Variants in MCIDAS observed in about 807,000 individuals in gnomAD.
MCIDAS encodes multiciliate differentiation and DNA synthesis associated cell cycle protein, also known as multicilin.
Under a neutral mutation model 35.4 loss-of-function variants are expected in MCIDAS, and 23 were observed. The ratio of observed to expected loss-of-function variants is 0.65; its 90% CI spans 0.47 to 0.92. The LOEUF is 0.92. Ranked by LOEUF, MCIDAS falls within the 40% of genes least tolerant of loss-of-function variation. MCIDAS has a pLI of 0.00. For synonymous variants in MCIDAS, 228 were observed against 235.2 expected (o/e 0.97, Z 0.28); for missense variants, 480 against 531.8 (o/e 0.90, Z 0.96).
In MCIDAS at chr5:55,220,708, A is replaced by T; in HGVS notation, c.816T>A (p.Ala272=). ...AKRSLEELVS[A]AGQDCAEVDA... is the part of the protein sequence containing the mutation. ...CCACTTCCGCGCAATCCTGCCCCGC[A>T]GCGCTGACCAACTCCTCCAGGCTCC... The change falls in exon 7 of 7, where the codon GCT becomes GCA. Residue 272 remains alanine, a synonymous_variant. Transcript: ENST00000513312. The T allele has an allele frequency of 6.5e-7, 1 of 1,536,020 alleles. No homozygotes were observed. The highest frequency in any genetic ancestry group is 8.7e-7 in the Non-Finnish European group (1 of 1,146,814).
At chr5:55,224,872 G>A (rs1745429423) in intron 3 of MCIDAS, among the ~76,000 whole-genome samples, 1 of 152,110 alleles carries the variant, frequency 6.6e-6, no homozygotes, top group Non-Finnish European at 1.5e-5. Context: ...GAAAATTCCT[G>A]GATTTTTTGG....
chr5:55,221,986 G>A (rs1025103232), intron 5 of MCIDAS, among the ~76,000 whole-genome samples, 190 bp downstream of exon 5: 18 of 152,078 alleles, frequency 1.2e-4, no homozygotes, highest in African/African-American at 4.1e-4. Flanking sequence ...ATCAGGTGGG[G>A]TAGAATTATT....
chr5:55,220,107 C>T lies in MCIDAS; in HGVS notation c.*259G>A, dbSNP rs1745322393. ...TTCCCTGCTCTAAAAATACATAATT[C>T]AAAGCTGCTAAAAATAAATACTTTT... On this transcript the variant is annotated 3_prime_UTR_variant, in exon 7 of 7. Coordinates refer to ENST00000513312, the MANE Select transcript of MCIDAS (RefSeq NM_001190787.3). 2.5e-6 allele frequency: 1 copy of T among 405,830 alleles called. No individual in the cohort carries two copies. Among genetic ancestry groups the T allele is most frequent in the South Asian group, 5.8e-5 (1 of 17,200 alleles). The allele number at this position is 405,830 out of a possible 1,614,324, so 25.1% of individuals were successfully genotyped here. A position where few individuals can be genotyped will look rare whatever the true frequency, so the allele number is the denominator to read the frequency against.
chr5:55,220,555 G>C lies in MCIDAS; in HGVS notation c.969C>G (p.Phe323Leu). Residue 323 changes from phenylalanine (F) to leucine (L), a missense_variant, in exon 7 of 7, where the codon TTC becomes TTG. Phe to Leu is a conservative substitution (Grantham distance 22). Coordinates refer to ENST00000513312, the MANE Select transcript of MCIDAS (RefSeq NM_001190787.3). ...DTRPGNLHGA[F>L]RGLRTDCSRS... is the part of the protein sequence containing the mutation. ...GGCTGCAGTCTGTGCGCAGCCCCCG[G>C]AAGGCGCCATGCAGGTTCCCGGGCC... The C allele has an allele frequency of 6.5e-7, 1 of 1,536,082 alleles. No homozygotes were observed. Among genetic ancestry groups the C allele is most frequent in the Non-Finnish European group, 8.7e-7 (1 of 1,146,866 alleles).
Position 55,220,205 on chromosome 5 carries a change from C to T in MCIDAS, c.*161G>A. The T allele has an allele frequency of 1.4e-6, 1 of 690,128 alleles. No individual in the cohort carries two copies. The highest frequency in any genetic ancestry group is 2.0e-5 in the South Asian group (1 of 50,636). 42.8% of individuals were successfully genotyped at this position (690,128 alleles called of 1,614,324 possible). A position where few individuals can be genotyped will look rare whatever the true frequency, so the allele number is the denominator to read the frequency against. ...CACTGTGACAAGGGGAGGGGCTATACAATGTTTTGTAGCAGAAATTTACAA... is the reference window on the plus strand; with the variant it reads ...CACTGTGACAAGGGGAGGGGCTATATAATGTTTTGTAGCAGAAATTTACAA... On this transcript the variant is annotated 3_prime_UTR_variant, in exon 7 of 7. Coordinates refer to ENST00000513312, the MANE Select transcript of MCIDAS (RefSeq NM_001190787.3).
Position 55,222,272 on chromosome 5 carries a change from C to A in MCIDAS, c.510G>T (p.Leu170=). The A allele has an allele frequency of 6.5e-7, 1 of 1,536,052 alleles. No individual in the cohort carries two copies. Among genetic ancestry groups the A allele is most frequent in the Non-Finnish European group, 8.7e-7 (1 of 1,146,884 alleles). ...CAGGCGGGGGCACGTCTGGAGGGCGCAGCGGTGGTGACTGCAGGGCCCGTG... is the reference window on the plus strand; with the variant it reads ...CAGGCGGGGGCACGTCTGGAGGGCGAAGCGGTGGTGACTGCAGGGCCCGTG... ...LDPRALQSPP[L]RPPDVPPPEQ... Residue 170 remains leucine, a synonymous_variant, in exon 5 of 7, where the codon CTG becomes CTT. Transcript: ENST00000513312.
Position 55,227,126 on chromosome 5 carries a change from C to G in MCIDAS, c.13G>C (p.Gly5Arg). 3 of 1,473,690 alleles carry G rather than the reference C, an allele frequency of 2.0e-6. No individual in the cohort carries two copies. Among genetic ancestry groups the G allele is most frequent in the Non-Finnish European group, 2.7e-6 (3 of 1,120,284 alleles). 91.3% of individuals were successfully genotyped at this position (1,473,690 alleles called of 1,614,324 possible). MQAC[G>R]GGAAGRRAFD... ...GCCCGACGGCCGGCCGCGCCGCCCCCGCACGCCTGCATTGTGCCTCCTGCC... is the reference window on the plus strand; with the variant it reads ...GCCCGACGGCCGGCCGCGCCGCCCCGGCACGCCTGCATTGTGCCTCCTGCC... Residue 5 changes from glycine to arginine, a missense_variant, in exon 1 of 7, where the codon GGG becomes CGG. Physicochemically the swap from Gly to Arg is moderately radical, Grantham distance 125. Transcript: ENST00000513312.
chr5:55,223,102 A>C lies in MCIDAS; in HGVS notation c.310-79T>G. The C allele has an allele frequency of 8.3e-7, 1 of 1,208,086 alleles. No individual in the cohort carries two copies. Among genetic ancestry groups the C allele is most frequent in the East Asian group, 2.5e-5 (1 of 39,348 alleles). The allele number at this position is 1,208,086 out of a possible 1,614,324, so 74.8% of individuals were successfully genotyped here. A position where few individuals can be genotyped will look rare whatever the true frequency, so the allele number is the denominator to read the frequency against. On this transcript the variant is annotated intron_variant, in intron 3 of 6. Transcript: ENST00000513312. The surrounding 1 kb of genome is among the most constrained non-coding windows in gnomAD (Gnocchi z 4.4). ...TCAATAAATATTGGCGTCCCTGTTA[A>C]AAATCTGGCAGGCACTATGCAATAT...
At chr5:55,221,151 A>G (rs1221342348) in intron 5 of MCIDAS, 25 bp from the exon 6 acceptor site, 4 of 1,507,558 alleles carry the variant, frequency 2.7e-6, no homozygotes, top group Non-Finnish European at 3.6e-6. Context: ...CCAAACATTC[A>G]GGGGTAGGTA....
At position 55,226,674 on chromosome 5, in the gene MCIDAS, G is replaced by T. The variant is rs552431366; in HGVS notation, c.218-7C>A. ...AGGTCTATGGTGGTGAGGGCTGCGC[G>T]GGGAGACCGGGAGACACGCGCCGGG... On this transcript the variant is annotated splice_polypyrimidine_tract_variant and splice_region_variant and intron_variant, in intron 2 of 6. Coordinates refer to ENST00000513312, the MANE Select transcript of MCIDAS (RefSeq NM_001190787.3). The T allele has an allele frequency of 6.7e-6, 10 of 1,493,488 alleles. No individual in the cohort carries two copies. The African/African-American group carries it at 8.5e-5, about 13-fold the overall frequency. 92.5% of individuals were successfully genotyped at this position (1,493,488 alleles called of 1,614,324 possible).
At position 55,220,360 on chromosome 5, in the gene MCIDAS, C is replaced by T; in HGVS notation, c.*6G>A. ...AGGGCAGTGTTTTGGGGGACCACAT[C>T]ACAGCTCAACTGGGGACCCAGCGGA... On this transcript the variant is annotated 3_prime_UTR_variant, in exon 7 of 7. Transcript: ENST00000513312. 2.6e-6 allele frequency: 4 copies of T among 1,529,972 alleles called. 1 individual carries two copies. In the South Asian group the frequency reaches 4.8e-5, roughly 18 times the overall value. The allele number at this position is 1,529,972 out of a possible 1,614,324, so 94.8% of individuals were successfully genotyped here.
At chr5:55,222,069 C>A in intron 5 of MCIDAS, 107 bp downstream of exon 5, 5 of 1,054,466 alleles carry the variant, frequency 4.7e-6, no homozygotes, top group Non-Finnish European at 6.9e-6. Context: ...AGTCAGTCCA[C>A]TGGTTCCGAC....
intron 3 of MCIDAS, among the ~76,000 whole-genome samples, chr5:55,224,503 G>A (rs1167569761): frequency 6.6e-6 from 1 of 152,134 alleles, no homozygotes; most frequent in Non-Finnish European, 1.5e-5. Flanking sequence ...TAAGAGAAAG[G>A]AGATGAGAAA....
At position 55,220,502 on chromosome 5, in the gene MCIDAS, T is replaced by C; in HGVS notation, c.1022A>G (p.Glu341Gly). The change falls in exon 7 of 7, where the codon GAG becomes GGG. Residue 341 changes from glutamate (E) to glycine (G), a missense_variant. Physicochemically the swap from Glu to Gly is moderately conservative, Grantham distance 98. Coordinates refer to ENST00000513312, the MANE Select transcript of MCIDAS (RefSeq NM_001190787.3). The part of the protein sequence containing the change: ...SRSALNLSHS[E>G]LEEGGSFSTR... ...GCTGAAGGAGCCGCCCTCCTCCAGC[T>C]CACTGTGGCTCAGGTTCAACGCGCT... 1.3e-6 allele frequency: 2 copies of C among 1,536,048 alleles called. No individual in the cohort carries two copies. Among genetic ancestry groups the C allele is most frequent in the East Asian group, 2.4e-5 (1 of 40,904 alleles).
At chr5:55,226,744 G>T in intron 2 of MCIDAS, 77 bp from the exon 3 acceptor site, 1 of 1,408,550 alleles carries the variant, frequency 7.1e-7, no homozygotes, top group Non-Finnish European at 9.2e-7. Flanking sequence ...GGACGTCAGA[G>T]CCCGGGGGAG....
At chr5:55,226,979 G>T in intron 1 of MCIDAS, 40 bp downstream of exon 1, 3 of 1,505,526 alleles carry the variant, frequency 2.0e-6, no homozygotes, top group Non-Finnish European at 2.6e-6. Flanking sequence ...TCGGGGCACC[G>T]AGCGCGCAGA....
rs1325473993 is a variant in MCIDAS, at chr5:55,223,280, G to A, written c.310-257C>T. 1.3e-5 allele frequency among the ~76,000 whole-genome samples: 2 copies of A among 151,750 alleles called. No individual in the cohort carries two copies. The highest frequency in any genetic ancestry group is 2.9e-5 in the Non-Finnish European group (2 of 67,982). On this transcript the variant is annotated intron_variant, in intron 3 of 6. Transcript: ENST00000513312. The surrounding 1 kb of genome is among the most constrained non-coding windows in gnomAD (Gnocchi z 4.4). ...ACGTCGCCAGCCCAGTCTCGTACCC[G>A]AAAATTCAAGCCCCATCCGAGACAG...
Position 55,220,140 on chromosome 5 carries a change from G to T in MCIDAS, c.*226C>A. On this transcript the variant is annotated 3_prime_UTR_variant, in exon 7 of 7. Transcript: ENST00000513312. Reference sequence around the variant, plus strand: ...CTAAAAATAAATACTTTTAAAATTGGCTGTGACATATGTGACATATACATA... The same window carrying T: ...CTAAAAATAAATACTTTTAAAATTGTCTGTGACATATGTGACATATACATA... The T allele has an allele frequency of 2.2e-6, 1 of 462,302 alleles. No individual in the cohort carries two copies. The highest frequency in any genetic ancestry group is 5.5e-5 in the South Asian group (1 of 18,124). The allele number at this position is 462,302 out of a possible 1,614,324, so 28.6% of individuals were successfully genotyped here. A position where few individuals can be genotyped will look rare whatever the true frequency, so the allele number is the denominator to read the frequency against.
intron 5 of MCIDAS, 29 bp from the exon 6 acceptor site, chr5:55,221,155 G>A: frequency 6.7e-7 from 1 of 1,493,098 alleles, no homozygotes; most frequent in Non-Finnish European, 9.0e-7. Flanking sequence ...ACATTCAGGG[G>A]TAGGTACTGT....
Sources: allele counts gnomAD v4.1 joint callset (sites outside exome capture counted in the v4.1 genomes callset), GRCh38; gene constraint gnomAD v4.1.1; non-coding constraint Gnocchi (gnomAD v3.1); transcripts MANE v1.5; gene names NCBI Gene and HGNC (gene_info 2026-07-23, HGNC 2026-07-21).